RORA: variants seen among roughly 807,000 people sequenced by gnomAD.
The protein encoded by RORA is RAR related orphan receptor A.
A neutral mutation model predicts 69.5 loss-of-function variants in RORA; 7 were observed. That is an observed-to-expected ratio of 0.10 (90% confidence interval 0.06 to 0.19). The LOEUF (loss-of-function observed/expected upper bound fraction) is 0.19. Among genes scored for constraint, RORA ranks in the 10% least tolerant of loss-of-function variants. The pLI is 1.00. For synonymous variants in RORA, 261 were observed against 240.8 expected, an observed-to-expected ratio of 1.08 and a Z score of -0.78; for missense variants, 457 against 663.0, an observed-to-expected ratio of 0.69 and a Z score of 3.41.
At chr15:61,115,396 A>G (rs967486125) in intron 1 of RORA, among the ~76,000 whole-genome samples, 1 of 152,214 alleles carries the variant, frequency 6.6e-6, no homozygotes, top group Admixed American at 6.5e-5. Flanking sequence ...CTAAGAAGAC[A>G]GGACACTGGA....
At chr15:61,152,658 T>A (rs1434044848) in intron 1 of RORA, among the ~76,000 whole-genome samples, 2 of 152,146 alleles carry the variant, frequency 1.3e-5, no homozygotes, top group African/African-American at 4.8e-5. Context: ...TTTCTGCCCT[T>A]ATAGAGCTCA....
intron 1 of RORA, among the ~76,000 whole-genome samples, chr15:60,812,399 A>G (rs1231036261): frequency 6.6e-6 from 1 of 152,164 alleles, no homozygotes; most frequent in African/African-American, 2.4e-5. Context: ...AGTCCTAGCT[A>G]CTGAGGAGGC....
chr15:60,585,860 A>C (rs2068319753), intron 2 of RORA, among the ~76,000 whole-genome samples: 1 of 125,512 alleles, frequency 8.0e-6, no homozygotes, highest in South Asian at 2.6e-4. Flanking sequence ...TGAATCTGGA[A>C]TAGAAATGTC....
chr15:61,227,855 T>C (rs1171524317), intron 1 of RORA, among the ~76,000 whole-genome samples: 1 of 152,176 alleles, frequency 6.6e-6, no homozygotes, highest in African/African-American at 2.4e-5. Context: ...TTTACAACAG[T>C]AATTAAAGCT....
At chr15:61,042,008 G>C (rs754786688) in intron 1 of RORA, among the ~76,000 whole-genome samples, 6 of 152,282 alleles carry the variant, frequency 3.9e-5, no homozygotes, top group Non-Finnish European at 8.8e-5. Flanking sequence ...GCTGGGGCTG[G>C]AACCTGCGTG....
At chr15:61,150,992 G>A (rs1406894684) in intron 1 of RORA, among the ~76,000 whole-genome samples, 1 of 152,184 alleles carries the variant, frequency 6.6e-6, no homozygotes, top group Non-Finnish European at 1.5e-5. Context: ...AGAGAATACA[G>A]GTATTGGAAC....
intron 1 of RORA, among the ~76,000 whole-genome samples, chr15:61,150,220 T>C (rs921819284): frequency 1.3e-5 from 2 of 152,180 alleles, no homozygotes; most frequent in South Asian, 2.1e-4. Context: ...TTCTTAGAAG[T>C]AGAAGAAATA....
intron 1 of RORA, among the ~76,000 whole-genome samples, chr15:61,193,797 A>G (rs747812323): frequency 1.8e-4 from 27 of 152,228 alleles, no homozygotes; most frequent in Non-Finnish European, 2.9e-4. Flanking sequence ...GGTCACACGA[A>G]TAGTGACAGT....
intron 1 of RORA, among the ~76,000 whole-genome samples, chr15:61,085,835 GA>G (rs1409622884): frequency 6.6e-6 from 1 of 152,220 alleles, no homozygotes; most frequent in African/African-American, 2.4e-5. Flanking sequence ...GGAGTGAGGA[GA>G]ACTACTGGCT....
chr15:60,989,446 T>C (rs929881323), intron 1 of RORA, among the ~76,000 whole-genome samples: 4 of 152,250 alleles, frequency 2.6e-5, no homozygotes, highest in Admixed American at 2.6e-4. Context: ...TAAAAACCAC[T>C]ATTTATGTAT....
intron 2 of RORA, among the ~76,000 whole-genome samples, chr15:60,563,081 C>T (rs1002416717): frequency 4.6e-5 from 7 of 152,100 alleles, no homozygotes; most frequent in Admixed American, 6.5e-5. Flanking sequence ...TTACTTAAGG[C>T]GGACACGTAT....
intron 1 of RORA, among the ~76,000 whole-genome samples, chr15:61,085,414 C>T (rs1436759197): frequency 6.6e-6 from 1 of 152,228 alleles, no homozygotes; most frequent in Non-Finnish European, 1.5e-5. Flanking sequence ...CTGGACAGAT[C>T]TGGCTGGATG....
chr15:60,758,496 T>C (rs1216329923), intron 1 of RORA, among the ~76,000 whole-genome samples: 1 of 152,204 alleles, frequency 6.6e-6, no homozygotes, highest in Non-Finnish European at 1.5e-5. Flanking sequence ...TTCTAGGACA[T>C]CCTGTCCATT....
intron 1 of RORA, among the ~76,000 whole-genome samples, chr15:61,202,790 C>A (rs190411698): frequency 4.9e-4 from 75 of 151,760 alleles, no homozygotes; most frequent in African/African-American, 1.6e-3. Context: ...AACAAACAAA[C>A]AAAAAAAAGT....
At chr15:61,170,791 C>G (rs551760284) in intron 1 of RORA, among the ~76,000 whole-genome samples, 25 of 152,284 alleles carry the variant, frequency 1.6e-4, no homozygotes, top group African/African-American at 6.0e-4. Context: ...TAAAGCAGAG[C>G]CATTTGGATC....
intron 2 of RORA, among the ~76,000 whole-genome samples, chr15:60,575,341 C>T (rs572326487): frequency 3.3e-5 from 5 of 152,170 alleles, no homozygotes; most frequent in South Asian, 2.1e-4. Flanking sequence ...CTTCATGATA[C>T]GGAGTTACAG....
At chr15:60,750,049 T>C (rs2071702543) in intron 1 of RORA, among the ~76,000 whole-genome samples, 1 of 152,204 alleles carries the variant, frequency 6.6e-6, no homozygotes, top group Admixed American at 6.5e-5. Flanking sequence ...ATAGCTAATA[T>C]TAATCAAAAC....
At chr15:60,603,355 A>G (rs1363281141) in intron 2 of RORA, among the ~76,000 whole-genome samples, 2 of 152,236 alleles carry the variant, frequency 1.3e-5, no homozygotes, top group African/African-American at 4.8e-5. Context: ...TTTCCAGAGT[A>G]GCTGTGCCAT....
At chr15:60,542,548 A>ACATGCACACCTCACACACAGCACG (rs2066912937) in intron 2 of RORA, among the ~76,000 whole-genome samples, 1 of 135,220 alleles carries the variant, frequency 7.4e-6, no homozygotes, top group African/African-American at 3.5e-5. Context: ...CAGATGGCAC[A>ACATGCACACCTCACACACAGCACG]CATGCACACC....
Sources: allele counts gnomAD v4.1 joint callset (sites outside exome capture counted in the v4.1 genomes callset), GRCh38; gene constraint gnomAD v4.1.1; transcripts MANE v1.5; gene names NCBI Gene and HGNC (gene_info 2026-07-23, HGNC 2026-07-21).